The following NBEA variants were observed in gnomAD, a reference collection of about 807,000 sequenced individuals.
The protein encoded by NBEA is lysosomal-trafficking regulator 2.
In NBEA, 44 loss-of-function variants were observed where a neutral mutation model predicts 343.4. The ratio of observed to expected loss-of-function variants is 0.13; its 90% CI spans 0.10 to 0.16. The LOEUF (loss-of-function observed/expected upper bound fraction) is 0.16. Ranked by LOEUF, NBEA falls within the 10% of genes least tolerant of loss-of-function variation. NBEA has a pLI of 1.00. For synonymous variants in NBEA, 1,175 were observed against 1,238.7 expected, an observed-to-expected ratio of 0.95 and a Z score of 1.08; for missense variants, 2,555 against 3,631.3, an observed-to-expected ratio of 0.70 and a Z score of 7.62.
intron 38 of NBEA, among the ~76,000 whole-genome samples, chr13:35,413,094 C>T (rs1298387737): frequency 1.3e-5 from 2 of 152,116 alleles, no homozygotes; most frequent in Non-Finnish European, 2.9e-5. Flanking sequence ...TATACTAGCT[C>T]TTAAAGTTTT....
At chr13:35,369,617 G>A (rs933611850) in intron 38 of NBEA, among the ~76,000 whole-genome samples, 1 of 151,688 alleles carries the variant, frequency 6.6e-6, no homozygotes, top group African/African-American at 2.4e-5. Flanking sequence ...TGGTTACATT[G>A]TGAATAGGAT....
chr13:35,371,887 G>T (rs1271312858), intron 38 of NBEA, among the ~76,000 whole-genome samples: 1 of 152,180 alleles, frequency 6.6e-6, no homozygotes, highest in Admixed American at 6.5e-5. Context: ...AGCATCAGTT[G>T]TATCCATGAT....
chr13:35,632,355 G>A (rs923571600), intron 49 of NBEA, among the ~76,000 whole-genome samples: 1 of 152,064 alleles, frequency 6.6e-6, no homozygotes, highest in African/African-American at 2.4e-5. Context: ...CATCACCTGG[G>A]AACTTGCTAG....
chr13:35,381,106 G>GTAATTAT (rs2041990575), intron 38 of NBEA, among the ~76,000 whole-genome samples: 1 of 152,034 alleles, frequency 6.6e-6, no homozygotes, highest in Non-Finnish European at 1.5e-5. Context: ...CTATCAAAAG[G>GTAATTAT]TAATTATTAA....
chr13:35,208,709 G>A lies in NBEA; in HGVS notation c.5376G>A (p.Val1792=). 2.5e-6 allele frequency: 4 copies of A among 1,590,094 alleles called. No homozygotes were observed. The highest frequency in any genetic ancestry group is 3.4e-6 in the Non-Finnish European group (4 of 1,166,564). The stretch of plus-strand genomic sequence containing the variant: ...CTTCATTTCTTTGCAGGAGTGTTGT[G>A]GTGCCTGTAAAGAAACCACCTCCAG... The part of the protein sequence containing the change: ...MQFHSFDRSV[V]VPVKKPPPGS... The change falls in exon 32 of 59, where the codon GTG becomes GTA. Residue 1792 remains valine (V), a synonymous_variant. Transcript: ENST00000379939.
intron 49 of NBEA, among the ~76,000 whole-genome samples, chr13:35,634,070 C>T (rs1399267756): frequency 1.3e-5 from 2 of 152,140 alleles, no homozygotes; most frequent in Non-Finnish European, 2.9e-5. Context: ...TTAGGCCAGG[C>T]GCTGTGGCTC....
At chr13:35,431,532 A>G (rs2045109102) in intron 38 of NBEA, among the ~76,000 whole-genome samples, 1 of 152,174 alleles carries the variant, frequency 6.6e-6, no homozygotes, top group African/African-American at 2.4e-5. Flanking sequence ...GGTTTAGAGT[A>G]TAAAAGACAG....
At chr13:35,376,254 T>A (rs1184419642) in intron 38 of NBEA, among the ~76,000 whole-genome samples, 1 of 152,166 alleles carries the variant, frequency 6.6e-6, no homozygotes, top group East Asian at 1.9e-4. Flanking sequence ...TATTTGTTCA[T>A]TGATATGATT....
rs568531893 is a variant in NBEA, at chr13:35,520,273, T to C, written c.6586-30204T>C. 3.3e-5 allele frequency among the ~76,000 whole-genome samples: 5 copies of C among 152,298 alleles called. No individual in the cohort carries two copies. In the South Asian group the frequency reaches 1.0e-3, roughly 32 times the overall value. ...TGTTGTATATTTGTCTTTCTGTGAC[T>C]GGATTTGAAGAGCATAATTTAACCT... On this transcript the variant is annotated intron_variant, in intron 41 of 58. Coordinates refer to ENST00000379939, the MANE Select transcript of NBEA (RefSeq NM_001385012.1).
At chr13:35,124,678 A>G (rs2067003730) in intron 17 of NBEA, among the ~76,000 whole-genome samples, 1 of 150,992 alleles carries the variant, frequency 6.6e-6, no homozygotes, top group Admixed American at 6.6e-5. Context: ...GGATATATAT[A>G]CACATGTATG....
intron 38 of NBEA, among the ~76,000 whole-genome samples, chr13:35,353,113 G>A (rs929169545): frequency 6.6e-6 from 1 of 152,080 alleles, no homozygotes; most frequent in Non-Finnish European, 1.5e-5. Flanking sequence ...AAATGTAAAC[G>A]GGATACTACT....
At chr13:35,466,534 C>G (rs924281011) in intron 40 of NBEA, among the ~76,000 whole-genome samples, 57 of 152,290 alleles carry the variant, frequency 3.7e-4, no homozygotes, top group African/African-American at 1.4e-3. Flanking sequence ...GTGTCACTGT[C>G]ATAGCTCCCT....
chr13:35,615,407 G>A (rs944639191), intron 48 of NBEA, among the ~76,000 whole-genome samples: 14 of 151,838 alleles, frequency 9.2e-5, no homozygotes, highest in Admixed American at 5.9e-4. Flanking sequence ...GCAGTGGCAC[G>A]ATCTCAGCTC....
intron 6 of NBEA, among the ~76,000 whole-genome samples, chr13:35,052,645 C>T (rs1332591916): frequency 6.6e-6 from 1 of 151,438 alleles, no homozygotes; most frequent in Non-Finnish European, 1.5e-5. Context: ...CAAAGTATAT[C>T]AGATCAAAAG....
chr13:35,065,130 T>C (rs2063604074), intron 8 of NBEA, among the ~76,000 whole-genome samples: 1 of 151,850 alleles, frequency 6.6e-6, no homozygotes, highest in South Asian at 2.1e-4. Context: ...CTGTAGTAGA[T>C]TCCTCAGGAA....
chr13:35,459,679 G>T (rs1201269071), intron 40 of NBEA, among the ~76,000 whole-genome samples: 1 of 152,082 alleles, frequency 6.6e-6, no homozygotes, highest in East Asian at 1.9e-4. Context: ...AGGCAAAGTT[G>T]TTTATATATA....
At chr13:35,470,073 T>A (rs2152957379) in intron 40 of NBEA, among the ~76,000 whole-genome samples, 1 of 152,332 alleles carries the variant, frequency 6.6e-6, no homozygotes, top group East Asian at 1.9e-4. Context: ...TTAAACATGC[T>A]ATGGAATTGG....
At chr13:35,631,842 A>C (rs1451470514) in intron 49 of NBEA, among the ~76,000 whole-genome samples, 1 of 152,150 alleles carries the variant, frequency 6.6e-6, no homozygotes. Flanking sequence ...TTTCTTCTCT[A>C]TGTCAGATTG....
intron 31 of NBEA, among the ~76,000 whole-genome samples, chr13:35,200,765 A>G (rs1377040813): frequency 6.6e-6 from 1 of 151,982 alleles, no homozygotes; most frequent in Non-Finnish European, 1.5e-5. Context: ...ATAGGGCCAA[A>G]AAAGCAACTT....
Sources: allele counts gnomAD v4.1 joint callset (sites outside exome capture counted in the v4.1 genomes callset), GRCh38; gene constraint gnomAD v4.1.1; transcripts MANE v1.5; gene names NCBI Gene and HGNC (gene_info 2026-07-23, HGNC 2026-07-21).